ATXN7L1: variants seen among roughly 807,000 people sequenced by gnomAD.
ATXN7L1 encodes ataxin 7 like 1, also known as ataxin-7-like protein 1.
ATXN7L1 carries 15 observed loss-of-function variants against 70.8 expected under a neutral mutation model. The ratio of observed to expected loss-of-function variants is 0.21; its 90% CI spans 0.14 to 0.33. The LOEUF is 0.33. ATXN7L1 is among the 10% of genes least tolerant of loss of function. The pLI is 1.00. For synonymous variants in ATXN7L1, 440 were observed against 445.1 expected (o/e 0.99, Z 0.14); for missense variants, 975 against 1,097.1 (o/e 0.89, Z 1.57).
At chr7:105,694,042 A>G (rs1448853784) in intron 3 of ATXN7L1, among the ~76,000 whole-genome samples, 1 of 146,712 alleles carries the variant, frequency 6.8e-6, no homozygotes, top group African/African-American at 2.5e-5. Context: ...CCTGAGGGAG[A>G]AGTGAGCCTT....
At chr7:105,822,333 A>C (rs1318046704) in intron 2 of ATXN7L1, among the ~76,000 whole-genome samples, 3 of 152,226 alleles carry the variant, frequency 2.0e-5, no homozygotes, top group Non-Finnish European at 2.9e-5. Flanking sequence ...TGTAGGGAGA[A>C]AGGTGCTCTC....
At chr7:105,817,236 G>C (rs1283101097) in intron 2 of ATXN7L1, among the ~76,000 whole-genome samples, 1 of 152,178 alleles carries the variant, frequency 6.6e-6, no homozygotes, top group Non-Finnish European at 1.5e-5. Context: ...TGATACAGGA[G>C]AAAGCAATTT....
chr7:105,757,753 T>C (rs538697294), intron 3 of ATXN7L1, among the ~76,000 whole-genome samples: 36 of 125,818 alleles, frequency 2.9e-4, no homozygotes, highest in African/African-American at 1.3e-3. Flanking sequence ...TGGCTAATTT[T>C]GACATTTTTT....
At chr7:105,608,885 G>T (rs1792911989) in intron 11 of ATXN7L1, among the ~76,000 whole-genome samples, 1 of 152,044 alleles carries the variant, frequency 6.6e-6, no homozygotes, top group Non-Finnish European at 1.5e-5. Flanking sequence ...TAACAACACG[G>T]TTATATATAC....
intron 3 of ATXN7L1, among the ~76,000 whole-genome samples, chr7:105,740,558 T>TA: frequency 6.6e-6 from 1 of 152,172 alleles, no homozygotes; most frequent in African/African-American, 2.4e-5. Flanking sequence ...ATGGACTATG[T>TA]AGCTGGGATG....
intron 2 of ATXN7L1, among the ~76,000 whole-genome samples, chr7:105,857,768 TG>T (rs2116647194): frequency 6.6e-6 from 1 of 152,370 alleles, no homozygotes; most frequent in East Asian, 1.9e-4. Context: ...TCCTGAGGTT[TG>T]TACTACAAAG....
intron 3 of ATXN7L1, among the ~76,000 whole-genome samples, chr7:105,719,612 G>A (rs1385482076): frequency 6.6e-5 from 10 of 152,158 alleles, no homozygotes; most frequent in Admixed American, 6.6e-4. Flanking sequence ...AATGAGGTCA[G>A]GGCTCTTGGC....
intron 2 of ATXN7L1, among the ~76,000 whole-genome samples, chr7:105,807,035 C>T (rs961936400): frequency 6.6e-6 from 1 of 152,190 alleles, no homozygotes; most frequent in African/African-American, 2.4e-5. Flanking sequence ...CCTCCTGGGC[C>T]AGGGCACGCT....
At chr7:105,662,866 T>C (rs1309815854) in intron 4 of ATXN7L1, among the ~76,000 whole-genome samples, 2 of 152,212 alleles carry the variant, frequency 1.3e-5, no homozygotes, top group East Asian at 1.9e-4. Context: ...GACGTTATGC[T>C]AAATTATTTA....
intron 3 of ATXN7L1, among the ~76,000 whole-genome samples, chr7:105,680,422 G>A (rs1417589772): frequency 6.6e-6 from 1 of 152,162 alleles, no homozygotes; most frequent in Non-Finnish European, 1.5e-5. Context: ...CCCTCTTGTT[G>A]AGAGAGTTTC....
chr7:105,650,920 T>C (rs1799738133), intron 4 of ATXN7L1, among the ~76,000 whole-genome samples: 2 of 152,244 alleles, frequency 1.3e-5, no homozygotes, highest in South Asian at 4.1e-4. Context: ...GGCAAATTTA[T>C]AGAATGTGGA....
intron 2 of ATXN7L1, among the ~76,000 whole-genome samples, chr7:105,856,618 T>TTAA (rs1815771468): frequency 6.6e-6 from 1 of 151,980 alleles, no homozygotes. Context: ...TTAAATATTT[T>TTAA]ATTCTTTATA....
chr7:105,752,657 C>T (rs1799346882), intron 3 of ATXN7L1, among the ~76,000 whole-genome samples: 1 of 152,158 alleles, frequency 6.6e-6, no homozygotes, highest in African/African-American at 2.4e-5. Context: ...ACTGCCCCAA[C>T]CCAGGTCCCA....
chr7:105,774,231 G>C (rs2116446851), intron 3 of ATXN7L1, among the ~76,000 whole-genome samples: 1 of 152,286 alleles, frequency 6.6e-6, no homozygotes. Context: ...TCTAGCCCCT[G>C]CCTTCTTAAA....
intron 8 of ATXN7L1, among the ~76,000 whole-genome samples, chr7:105,620,912 A>G (rs923955283): frequency 4.3e-5 from 6 of 139,690 alleles, no homozygotes; most frequent in Non-Finnish European, 9.4e-5. Flanking sequence ...AAAAAAAAAG[A>G]AACAACAACC....
At chr7:105,868,563 C>T (rs1585195683) in intron 2 of ATXN7L1, among the ~76,000 whole-genome samples, 1 of 152,212 alleles carries the variant, frequency 6.6e-6, no homozygotes, top group East Asian at 1.9e-4. Context: ...GGCAAGATAT[C>T]AGCTAATACT....
At chr7:105,737,741 A>G (rs1382489513) in intron 3 of ATXN7L1, among the ~76,000 whole-genome samples, 3 of 152,230 alleles carry the variant, frequency 2.0e-5, no homozygotes, top group African/African-American at 7.2e-5. Flanking sequence ...AAAACAAAAC[A>G]TAAAAATAAT....
chr7:105,816,997 T>C (rs149105651), intron 2 of ATXN7L1, among the ~76,000 whole-genome samples: 135 of 152,326 alleles, frequency 8.9e-4, no homozygotes, highest in Non-Finnish European at 1.6e-3. Flanking sequence ...AGCGGAGAGC[T>C]TCTCCTCCTC....
At chr7:105,704,029 C>G (rs899778767) in intron 3 of ATXN7L1, among the ~76,000 whole-genome samples, 2 of 137,398 alleles carry the variant, frequency 1.5e-5, no homozygotes, top group African/African-American at 5.8e-5. Flanking sequence ...AGAAGCTGAC[C>G]CTCACCACAT....
Sources: gnomAD v4.1 joint callset for allele counts (sites outside exome capture counted in the v4.1 genomes callset) on GRCh38, gnomAD v4.1.1 for gene constraint, MANE v1.5 for transcripts, NCBI Gene and HGNC (gene_info 2026-07-23, HGNC 2026-07-21) for gene names.